The following JAM2 variants were observed in gnomAD, a reference collection of about 807,000 sequenced individuals.
JAM2 encodes the protein junctional adhesion molecule 2, also known as junctional adhesion molecule B.
JAM2 carries 17 observed loss-of-function variants against 42.0 expected under a neutral mutation model. That is an observed-to-expected ratio of 0.40 (90% CI 0.28 to 0.61). JAM2 has a LOEUF of 0.61. Ranked by LOEUF, JAM2 falls within the 20% of genes least tolerant of loss-of-function variation. JAM2 has a pLI of 0.37. For synonymous variants in JAM2, 118 were observed against 128.6 expected (o/e 0.92, Z 0.56); for missense variants, 319 against 358.3 (o/e 0.89, Z 0.89).
intron 1 of JAM2, among the ~76,000 whole-genome samples, chr21:25,640,257 A>C (rs569190279): frequency 2.0e-5 from 3 of 152,134 alleles, no homozygotes; most frequent in Non-Finnish European, 4.4e-5. Context: ...GACCCCAAGA[A>C]AGATGGCATC....
At chr21:25,699,589 G>A (rs374834173) in intron 5 of JAM2, among the ~76,000 whole-genome samples, 4 of 151,974 alleles carry the variant, frequency 2.6e-5, no homozygotes, top group South Asian at 2.1e-4. Flanking sequence ...CGGGCGTGGT[G>A]GCGGGCGCCT....
intron 4 of JAM2, among the ~76,000 whole-genome samples, chr21:25,694,978 CTT>C (rs369880449): frequency 6.4e-5 from 9 of 141,706 alleles, no homozygotes; most frequent in Admixed American, 1.4e-4. Flanking sequence ...CTTTTTCTTT[CTT>C]TTTTTTTTTT....
Position 25,683,782 on chromosome 21 carries a change from C to G in JAM2, c.68-101C>G, listed in dbSNP as rs142126424. ...TGTTATGAATTGGGTAAACTTGTCA[C>G]CAAACTTTAGGACAGTTTTCTTGAC... On this transcript the variant is annotated intron_variant, in intron 1 of 9. Coordinates refer to ENST00000480456, the MANE Select transcript of JAM2 (RefSeq NM_021219.4). The G allele has an allele frequency of 7.7e-4, 622 of 803,108 alleles. 9 individuals carry two copies. The East Asian group carries it at 0.016, about 20-fold the overall frequency. 49.7% of individuals were successfully genotyped at this position (803,108 alleles called of 1,614,324 possible).
At chr21:25,646,217 G>A (rs1309701762) in intron 1 of JAM2, among the ~76,000 whole-genome samples, 2 of 152,210 alleles carry the variant, frequency 1.3e-5, no homozygotes, top group Non-Finnish European at 2.9e-5. Flanking sequence ...TCATTATGCA[G>A]TGCATGACTG....
chr21:25,648,946 A>T (rs376458720), intron 1 of JAM2, among the ~76,000 whole-genome samples: 1 of 152,196 alleles, frequency 6.6e-6, no homozygotes, highest in African/African-American at 2.4e-5. Flanking sequence ...ACATATGTAA[A>T]ATTAATAGTC....
chr21:25,712,685 C>T (rs2829875), intron 9 of JAM2, among the ~76,000 whole-genome samples: 41,718 of 151,930 alleles, frequency 0.27, 7,129 homozygotes, highest in African/African-American at 0.48. Flanking sequence ...TTATCAGCTC[C>T]CTTTGACAGA....
At chr21:25,669,184 G>C (rs550113290) in intron 1 of JAM2, among the ~76,000 whole-genome samples, 1 of 151,960 alleles carries the variant, frequency 6.6e-6, no homozygotes, top group Non-Finnish European at 1.5e-5. Flanking sequence ...ACCAGCTTGG[G>C]CAACACGGTG....
rs1323804805 is a variant in JAM2, at chr21:25,639,366, C to T, written c.-456C>T. 1.3e-5 allele frequency: 2 copies of T among 157,534 alleles called. No homozygotes were observed. The highest frequency in any genetic ancestry group is 2.8e-5 in the Non-Finnish European group (2 of 71,926). The allele number at this position is 157,534 out of a possible 1,614,324, so 9.8% of individuals were successfully genotyped here. ...CCCGAGACACCCAATCCCCCCACCC[C>T]CAGCCTGCCCGCGCCTCCCGCCCCC... On this transcript the variant is annotated 5_prime_UTR_variant, in exon 1 of 10. Coordinates refer to ENST00000480456, the MANE Select transcript of JAM2 (RefSeq NM_021219.4).
chr21:25,663,946 CCT>C (rs992055317), intron 1 of JAM2, among the ~76,000 whole-genome samples: 1 of 152,106 alleles, frequency 6.6e-6, no homozygotes, highest in Non-Finnish European at 1.5e-5. Context: ...CAATTAATCT[CCT>C]CTCTCTGTCA....
intron 1 of JAM2, among the ~76,000 whole-genome samples, chr21:25,644,866 T>TTTTTGTTTG (rs2032558734): frequency 1.3e-5 from 2 of 151,322 alleles, no homozygotes; most frequent in South Asian, 4.2e-4. Context: ...GGTTTTTTGG[T>TTTTTGTTTG]TTTGTTTGTT....
At chr21:25,690,584 C>A (rs775249785) in intron 3 of JAM2, among the ~76,000 whole-genome samples, 1 of 151,964 alleles carries the variant, frequency 6.6e-6, no homozygotes, top group Non-Finnish European at 1.5e-5. Context: ...CTGGGCTCAA[C>A]CCATCCTCCT....
At chr21:25,704,813 A>T (rs1346308404) in intron 6 of JAM2, among the ~76,000 whole-genome samples, 2 of 152,236 alleles carry the variant, frequency 1.3e-5, no homozygotes, top group East Asian at 3.8e-4. Context: ...GGTGTCTGCT[A>T]GCCTGTTACA....
chr21:25,669,364 CCT>C (rs1056545914), intron 1 of JAM2, among the ~76,000 whole-genome samples: 1 of 145,560 alleles, frequency 6.9e-6, no homozygotes, highest in Non-Finnish European at 1.5e-5. Context: ...AGAGTGAAAC[CCT>C]GTCTCAAAAA....
chr21:25,654,647 CAAAAA>C (rs34222589), intron 1 of JAM2, among the ~76,000 whole-genome samples: 14 of 91,582 alleles, frequency 1.5e-4, no homozygotes, highest in African/African-American at 4.6e-4. Flanking sequence ...GACTTTCTCT[CAAAAA>C]AAAAAAAAAA....
rs114021223 is a variant in JAM2 at position 25,705,453 on chromosome 21, G to A, written c.698-526G>A. 4.4e-3 allele frequency among the ~76,000 whole-genome samples: 669 copies of A among 151,934 alleles called. 1 individual carries two copies. Among genetic ancestry groups the A allele is most frequent in the African/African-American group, 0.014 (582 of 41,410 alleles). ...GATTCTTGCTATGTTGCCTAGGCTG[G>A]TCTCAAATTCCTAGCCTCAAGCAGT... On this transcript the variant is annotated intron_variant, in intron 6 of 9. Coordinates refer to ENST00000480456, the MANE Select transcript of JAM2 (RefSeq NM_021219.4).
intron 1 of JAM2, among the ~76,000 whole-genome samples, chr21:25,649,232 T>G (rs868094415): frequency 6.6e-6 from 1 of 152,228 alleles, no homozygotes; most frequent in Non-Finnish European, 1.5e-5. Context: ...GTTCTCACGC[T>G]GCTGTAAAGG....
intron 9 of JAM2, chr21:25,714,130 T>C (rs1601073672): frequency 7.8e-7 from 1 of 1,277,584 alleles, no homozygotes; most frequent in South Asian, 1.3e-5. Context: ...TCCTACCTCT[T>C]TACTCTCTAG....
chr21:25,659,568 C>A (rs922707233), intron 1 of JAM2, among the ~76,000 whole-genome samples: 4 of 152,014 alleles, frequency 2.6e-5, no homozygotes, highest in Non-Finnish European at 5.9e-5. Context: ...ATGTTGAGTC[C>A]AAGATTTCTA....
intron 3 of JAM2, among the ~76,000 whole-genome samples, chr21:25,691,473 C>T (rs2123383569): frequency 6.6e-6 from 1 of 152,366 alleles, no homozygotes; most frequent in South Asian, 2.1e-4. Context: ...TCTTCCCACT[C>T]AGCCTTCCAA....
Sources: allele counts gnomAD v4.1 joint callset (sites outside exome capture counted in the v4.1 genomes callset), GRCh38; gene constraint gnomAD v4.1.1; transcripts MANE v1.5; gene names NCBI Gene and HGNC (gene_info 2026-07-23, HGNC 2026-07-21).